ARHGAP21: variants seen among roughly 807,000 people sequenced by gnomAD.
ARHGAP21 encodes the protein rho GTPase-activating protein 21.
In ARHGAP21, 38 loss-of-function variants were observed where a neutral mutation model predicts 164.6. The observed-to-expected ratio is 0.23, with a 90% CI of 0.18 to 0.30. The LOEUF is 0.30. Ranked by LOEUF, ARHGAP21 falls within the 10% of genes least tolerant of loss-of-function variation. ARHGAP21 has a pLI of 1.00. For missense variants in ARHGAP21, 1,822 were observed against 2,370.7 expected (o/e 0.77, Z 4.81); for synonymous variants, 766 against 857.9 (o/e 0.89, Z 1.87).
intron 7 of ARHGAP21, among the ~76,000 whole-genome samples, chr10:24,624,816 T>A (rs1834935861): frequency 6.6e-6 from 1 of 151,994 alleles, no homozygotes; most frequent in Non-Finnish European, 1.5e-5. Flanking sequence ...TCAGACAACA[T>A]TTAAATTTTT....
intron 15 of ARHGAP21, 144 bp downstream of exon 15, chr10:24,597,801 G>GA: frequency 1.8e-6 from 2 of 1,084,608 alleles, no homozygotes; most frequent in South Asian, 3.1e-5. Flanking sequence ...TACTATATGG[G>GA]AAAAAATATA....
At chr10:24,589,487 G>T in intron 24 of ARHGAP21, 185 bp from the exon 25 acceptor site, 1 of 528,658 alleles carries the variant, frequency 1.9e-6, no homozygotes, top group South Asian at 2.7e-5. Context: ...CCACCGCCAT[G>T]AAAGGATGCT....
chr10:24,650,729 T>C (rs1436856845), intron 4 of ARHGAP21, among the ~76,000 whole-genome samples: 1 of 152,128 alleles, frequency 6.6e-6, no homozygotes, highest in Non-Finnish European at 1.5e-5. Flanking sequence ...CTTCCACCCA[T>C]GAATAATAGC....
At chr10:24,654,187 A>C (rs1348579232) in intron 4 of ARHGAP21, among the ~76,000 whole-genome samples, 2 of 152,160 alleles carry the variant, frequency 1.3e-5, no homozygotes, top group Non-Finnish European at 2.9e-5. Flanking sequence ...ATGGGCAAAA[A>C]CTGAAAGCAT....
chr10:24,641,970 TG>T (rs1326938027), intron 4 of ARHGAP21, among the ~76,000 whole-genome samples: 2 of 147,762 alleles, frequency 1.4e-5, no homozygotes, highest in East Asian at 4.0e-4. Flanking sequence ...CACTCCAGCC[TG>T]GGTGACAGAG....
Position 24,620,006 on chromosome 10 carries a change from G to C in ARHGAP21, c.1889C>G (p.Ser630Cys). ...KVRSNSLKAP[S>C]THVTKPSFSQ... ...AAATGATGGTTTTGTGACATGCGTG[G>C]AAGGAGCTTTCAGAGAATTACTTCG... The change falls in exon 9 of 26, where the codon TCC (serine) becomes TGC (cysteine). Residue 630 changes from serine to cysteine, a missense_variant. Physicochemically the swap from Ser to Cys is moderately radical, Grantham distance 112. Coordinates refer to ENST00000396432, the MANE Select transcript of ARHGAP21 (RefSeq NM_020824.4). The C allele has an allele frequency of 6.2e-7, 1 of 1,613,974 alleles. No homozygotes were observed. Among genetic ancestry groups the C allele is most frequent in the East Asian group, 2.2e-5 (1 of 44,880 alleles).
At chr10:24,684,827 C>T (rs554922562) in intron 2 of ARHGAP21, among the ~76,000 whole-genome samples, 1 of 152,126 alleles carries the variant, frequency 6.6e-6, no homozygotes, top group Admixed American at 6.6e-5. Flanking sequence ...TTAGTAGAGA[C>T]AGGGTTTCAC....
chr10:24,665,161 A>T (rs1840069719), intron 4 of ARHGAP21, among the ~76,000 whole-genome samples: 1 of 152,014 alleles, frequency 6.6e-6, no homozygotes, highest in Non-Finnish European at 1.5e-5. Flanking sequence ...ACTAAGGCTT[A>T]TTTCTAACCC....
Position 24,667,021 on chromosome 10 carries a change from AAT to A in ARHGAP21, c.244-14_244-13del. ...CCATTTTCTTCATCCTACAAATGAA[AAT>A]ATATATATACATATATGAGTACATA... On this transcript the variant is annotated splice_polypyrimidine_tract_variant and intron_variant, in intron 3 of 25. Coordinates refer to ENST00000396432, the MANE Select transcript of ARHGAP21 (RefSeq NM_020824.4). 1.2e-5 allele frequency: 16 copies of A among 1,300,784 alleles called. No individual in the cohort carries two copies. Among genetic ancestry groups the A allele is most frequent in the Non-Finnish European group, 1.3e-5 (12 of 928,666 alleles). The allele number at this position is 1,300,784 out of a possible 1,614,324, so 80.6% of individuals were successfully genotyped here.
intron 11 of ARHGAP21, among the ~76,000 whole-genome samples, chr10:24,604,783 C>T (rs1347589744): frequency 1.3e-5 from 2 of 152,044 alleles, no homozygotes; most frequent in Admixed American, 6.5e-5. Flanking sequence ...TGGTGGATAC[C>T]CTGAACTGGA....
intron 4 of ARHGAP21, among the ~76,000 whole-genome samples, chr10:24,643,732 A>C (rs1014555220): frequency 1.3e-5 from 2 of 152,216 alleles, no homozygotes; most frequent in Non-Finnish European, 2.9e-5. Flanking sequence ...TTGGCCTGCT[A>C]CTACAGCTGA....
chr10:24,639,658 T>C (rs2131410884), intron 4 of ARHGAP21, among the ~76,000 whole-genome samples: 1 of 151,826 alleles, frequency 6.6e-6, no homozygotes, highest in East Asian at 1.9e-4. Flanking sequence ...ACGAGAAACA[T>C]GAAAGAAAAG....
At chr10:24,704,786 G>C (rs1285272870) in intron 2 of ARHGAP21, among the ~76,000 whole-genome samples, 8 of 151,806 alleles carry the variant, frequency 5.3e-5, no homozygotes, top group Admixed American at 5.3e-4. Flanking sequence ...TTCTATTTTT[G>C]GTAGAGATAG....
At chr10:24,666,834 T>G in intron 4 of ARHGAP21, 151 bp downstream of exon 4, 1 of 506,456 alleles carries the variant, frequency 2.0e-6, no homozygotes, top group Non-Finnish European at 3.4e-6. Flanking sequence ...AAGTCCACAG[T>G]AAAAAACATT....
At chr10:24,641,890 G>C (rs1161443015) in intron 4 of ARHGAP21, among the ~76,000 whole-genome samples, 2 of 152,152 alleles carry the variant, frequency 1.3e-5, no homozygotes, top group South Asian at 2.1e-4. Context: ...CCAGCTACTT[G>C]GGAGGCTGAG....
intron 4 of ARHGAP21, among the ~76,000 whole-genome samples, chr10:24,642,537 GA>G (rs1837179189): frequency 6.8e-6 from 1 of 147,808 alleles, no homozygotes; most frequent in African/African-American, 2.5e-5. Context: ...AAAAAAAAAG[GA>G]AGAAACAAAA....
chr10:24,651,117 G>A (rs886553513), intron 4 of ARHGAP21, among the ~76,000 whole-genome samples: 1 of 152,206 alleles, frequency 6.6e-6, no homozygotes, highest in African/African-American at 2.4e-5. Context: ...CTGTTCCTCT[G>A]CACACCTCCT....
At chr10:24,703,958 C>T (rs1843959426) in intron 2 of ARHGAP21, among the ~76,000 whole-genome samples, 1 of 152,152 alleles carries the variant, frequency 6.6e-6, no homozygotes, top group Non-Finnish European at 1.5e-5. Flanking sequence ...TTTTGAAAAC[C>T]TTGAATTAGT....
chr10:24,628,422 A>AT (rs11312714), intron 7 of ARHGAP21, among the ~76,000 whole-genome samples: 10 of 150,444 alleles, frequency 6.6e-5, no homozygotes, highest in East Asian at 5.9e-4. Flanking sequence ...GGCTTTAGTG[A>AT]TTTTTTTTTT....
Sources: gnomAD v4.1 joint callset for allele counts (sites outside exome capture counted in the v4.1 genomes callset) on GRCh38, gnomAD v4.1.1 for gene constraint, MANE v1.5 for transcripts, NCBI Gene and HGNC (gene_info 2026-07-23, HGNC 2026-07-21) for gene names.